PCDH7: variants seen among roughly 807,000 people sequenced by gnomAD.
PCDH7 encodes protocadherin 7.
PCDH7 carries 17 observed loss-of-function variants against 58.9 expected under a neutral mutation model. The ratio of observed to expected loss-of-function variants is 0.29; its 90% CI spans 0.20 to 0.43. The LOEUF (loss-of-function observed/expected upper bound fraction) is 0.43. PCDH7 is among the 20% of genes least tolerant of loss of function. The pLI is 1.00. For missense variants in PCDH7, 1,274 were observed against 1,441.0 expected (o/e 0.88, Z 1.88); for synonymous variants, 664 against 616.4 (o/e 1.08, Z -1.14).
chr4:30,748,747 T>C (rs796488261), intron 1 of PCDH7, among the ~76,000 whole-genome samples: 5 of 152,260 alleles, frequency 3.3e-5, no homozygotes, highest in African/African-American at 9.6e-5. Context: ...TCCTATGTGA[T>C]ATTGGCCATT....
chr4:30,894,077 T>C (rs918982790), intron 1 of PCDH7, among the ~76,000 whole-genome samples: 1 of 152,150 alleles, frequency 6.6e-6, no homozygotes, highest in African/African-American at 2.4e-5. Context: ...TATTATTGCC[T>C]GGGCTATTAT....
chr4:30,758,334 T>G (rs1719579738), intron 1 of PCDH7, among the ~76,000 whole-genome samples: 1 of 151,860 alleles, frequency 6.6e-6, no homozygotes, highest in Non-Finnish European at 1.5e-5. Context: ...AGAAAGGAAG[T>G]GTTAGGAAGA....
chr4:31,103,374 C>G (rs1290041852), intron 3 of PCDH7, among the ~76,000 whole-genome samples: 1 of 152,062 alleles, frequency 6.6e-6, no homozygotes, highest in African/African-American at 2.4e-5. Context: ...GCGTCTTGCT[C>G]TGTCACCTAG....
intron 3 of PCDH7, among the ~76,000 whole-genome samples, chr4:31,120,332 A>T (rs1578850474): frequency 7.0e-6 from 1 of 142,028 alleles, no homozygotes; most frequent in Non-Finnish European, 1.5e-5. Context: ...TGGTTTTTTA[A>T]ATTCTTCTTT....
At position 30,725,115 on chromosome 4, in the gene PCDH7, T is replaced by A. The variant is rs559082108; in HGVS notation, c.3174+519T>A. 211 of 1,000,042 alleles carry A rather than the reference T, an allele frequency of 2.1e-4. 1 individual carries two copies. The Middle Eastern group carries it at 5.2e-3, about 25-fold the overall frequency. 61.9% of individuals were successfully genotyped at this position (1,000,042 alleles called of 1,614,324 possible). On this transcript the variant is annotated intron_variant, in intron 1 of 1. Transcript: ENST00000361762. ...TGATTCATGCAGATGTAGTACTAAG[T>A]CTGAGATATTGAAATACTGACTACT...
intron 1 of PCDH7, among the ~76,000 whole-genome samples, chr4:30,771,777 T>C (rs2109279167): frequency 6.6e-6 from 1 of 152,330 alleles, no homozygotes; most frequent in Middle Eastern, 3.4e-3. Flanking sequence ...TTTTATTTCA[T>C]AAAATGCTTT....
At chr4:30,778,371 TATGATC>T (rs2109285799) in intron 1 of PCDH7, among the ~76,000 whole-genome samples, 1 of 152,260 alleles carries the variant, frequency 6.6e-6, no homozygotes, top group East Asian at 1.9e-4. Context: ...TTTTAAGACT[TATGATC>T]TATTTTGAAG....
At chr4:31,145,722 G>T (rs1159225732), downstream of PCDH7, 1 of 152,076 alleles carries the variant, frequency 6.6e-6, no homozygotes, top group Non-Finnish European at 1.5e-5. Flanking sequence ...CAAAGTTAAG[G>T]CATTAATATG....
rs909482155 is a variant in PCDH7, at chr4:30,904,158, A to G, written c.71-15995A>G. Among the ~76,000 whole-genome samples the G allele has an allele frequency of 2.4e-4, 36 of 152,306 alleles. 1 individual carries two copies. The highest frequency in any genetic ancestry group is 8.7e-4 in the African/African-American group (36 of 41,570). Reference sequence around the variant, plus strand: ...ATAACCAGGATCTACAACCTACTATATAAGTTTTCTATTGCTTTGTAAGAA... The same window carrying G: ...ATAACCAGGATCTACAACCTACTATGTAAGTTTTCTATTGCTTTGTAAGAA... On this transcript the variant is annotated intron_variant, in intron 1 of 3. Coordinates refer to the PCDH7 transcript ENST00000509759.
intron 1 of PCDH7, among the ~76,000 whole-genome samples, chr4:30,790,756 CA>C (rs1045899652): frequency 1.3e-5 from 2 of 151,900 alleles, no homozygotes; most frequent in African/African-American, 4.8e-5. Flanking sequence ...CTCATCTCTA[CA>C]AAAAGTAAAA....
chr4:31,115,224 T>C (rs1716847919), intron 3 of PCDH7, among the ~76,000 whole-genome samples: 1 of 152,216 alleles, frequency 6.6e-6, no homozygotes, highest in Admixed American at 6.5e-5. Context: ...TATTGAATGA[T>C]AATTGCAAAG....
At chr4:31,139,050 T>C (rs1417883599) in intron 3 of PCDH7, among the ~76,000 whole-genome samples, 3 of 152,058 alleles carry the variant, frequency 2.0e-5, no homozygotes, top group Non-Finnish European at 4.4e-5. Context: ...GAAAGGATCT[T>C]AACTTTCTAA....
intron 1 of PCDH7, among the ~76,000 whole-genome samples, chr4:30,813,681 G>A (rs1245248000): frequency 6.6e-6 from 1 of 151,840 alleles, no homozygotes; most frequent in African/African-American, 2.4e-5. Context: ...TACTTTTTTT[G>A]TCCAGGCTAG....
rs141726215 is a variant in PCDH7 at position 31,139,190 on chromosome 4, T to C, written c.*8-3283T>C. 1.2e-3 allele frequency among the ~76,000 whole-genome samples: 181 copies of C among 152,196 alleles called. 1 individual carries two copies. Among genetic ancestry groups the C allele is most frequent in the African/African-American group, 4.1e-3 (172 of 41,530 alleles). On this transcript the variant is annotated intron_variant, in intron 3 of 3. Transcript: ENST00000509759. The stretch of plus-strand genomic sequence containing the variant: ...CCAGTCTTCTCAAGGTTTGATATGA[T>C]TGATGGGGTATGCGGGCGTTGAGAA...
intron 1 of PCDH7, among the ~76,000 whole-genome samples, chr4:30,866,857 G>T (rs1734946807): frequency 6.6e-6 from 1 of 152,062 alleles, no homozygotes; most frequent in African/African-American, 2.4e-5. Context: ...TCTGTATGTA[G>T]CCCTCATTTT....
intron 1 of PCDH7, among the ~76,000 whole-genome samples, chr4:30,742,004 T>C (rs1198876577): frequency 6.6e-6 from 1 of 152,218 alleles, no homozygotes; most frequent in Non-Finnish European, 1.5e-5. Context: ...TTGCAAGATG[T>C]TTCCTGGATA....
chr4:30,945,332 TACTC>T lies in PCDH7; in HGVS notation c.288-4785_288-4782del, dbSNP rs368298551. The stretch of plus-strand genomic sequence containing the variant: ...AGATTTACACCTAATTTTTAAATAT[TACTC>T]ACAAATTTCTTCATTGTATAATTGC... On this transcript the variant is annotated intron_variant, in intron 2 of 3. Transcript: ENST00000509759. Among the ~76,000 whole-genome samples, 62 of 152,196 alleles carry T rather than the reference TACTC, an allele frequency of 4.1e-4. 2 individuals carry two copies. In the South Asian group the frequency reaches 0.013, roughly 32 times the overall value.
chr4:30,948,247 T>G (rs2109444141), intron 2 of PCDH7, among the ~76,000 whole-genome samples: 1 of 151,908 alleles, frequency 6.6e-6, no homozygotes, highest in South Asian at 2.1e-4. Context: ...AAAGGAAGAA[T>G]TTTCTATACA....
Position 30,975,115 on chromosome 4 carries a change from A to G in PCDH7, c.*7+24900A>G, listed in dbSNP as rs80212626. ...AGACAAAGCAATATGTTACAAACCCATCAAATCCATCCAGTCCTTCCCTTT... is the reference window on the plus strand; with the variant it reads ...AGACAAAGCAATATGTTACAAACCCGTCAAATCCATCCAGTCCTTCCCTTT... On this transcript the variant is annotated intron_variant, in intron 3 of 3. Coordinates refer to the PCDH7 transcript ENST00000509759. Among the ~76,000 whole-genome samples the G allele has an allele frequency of 5.9e-3, 883 of 149,850 alleles. 17 individuals are homozygous for G. The highest frequency in any genetic ancestry group is 0.021 in the African/African-American group (855 of 40,616).
Sources: gnomAD v4.1 joint callset for allele counts (sites outside exome capture counted in the v4.1 genomes callset) on GRCh38, gnomAD v4.1.1 for gene constraint, MANE v1.5 for transcripts, NCBI Gene and HGNC (gene_info 2026-07-23, HGNC 2026-07-21) for gene names.